Variants in TSHZ2 observed in about 807,000 individuals in gnomAD.
TSHZ2 encodes teashirt homolog 2.
In TSHZ2, 21 loss-of-function variants were observed where a neutral mutation model predicts 74.4. The ratio of observed to expected loss-of-function variants is 0.28; its 90% CI spans 0.20 to 0.41. The LOEUF is 0.41. Among genes scored for constraint, TSHZ2 ranks in the 10% least tolerant of loss-of-function variants. The probability of loss-of-function intolerance (pLI) is 1.00; values close to 1 mark genes in which losing one functional copy is unlikely to be tolerated. For synonymous variants in TSHZ2, 540 were observed against 515.3 expected, an observed-to-expected ratio of 1.05 and a Z score of -0.65; for missense variants, 1,244 against 1,293.5, an observed-to-expected ratio of 0.96 and a Z score of 0.59.
chr20:53,256,636 C>G lies in TSHZ2; in HGVS notation c.*8+65C>G. On this transcript the variant is annotated intron_variant, in intron 2 of 2. Transcript: ENST00000371497. The surrounding 1 kb of genome is among the most constrained non-coding windows in gnomAD (Gnocchi z 4.3). ...GGAGCTTTCTTACAGGGAGATGGGT[C>G]TGCTTAGAGGCAGCTAGCATCTCCC... The G allele has an allele frequency of 1.3e-6, 2 of 1,508,120 alleles. No homozygotes were observed. The highest frequency in any genetic ancestry group is 2.8e-5 in the South Asian group (2 of 71,372). 93.4% of individuals were successfully genotyped at this position (1,508,120 alleles called of 1,614,324 possible). A position where few individuals can be genotyped will look rare whatever the true frequency, so the allele number is the denominator to read the frequency against.
At chr20:53,464,349 G>A (rs917172599) in intron 2 of TSHZ2, among the ~76,000 whole-genome samples, 1 of 152,216 alleles carries the variant, frequency 6.6e-6, no homozygotes, top group Non-Finnish European at 1.5e-5. Context: ...TTCTGACAAC[G>A]AGCTCTTTAA....
intron 1 of TSHZ2, among the ~76,000 whole-genome samples, chr20:53,065,971 T>G (rs1984970727): frequency 2.0e-5 from 3 of 152,174 alleles, no homozygotes; most frequent in Admixed American, 2.0e-4. Context: ...AGTTATCACC[T>G]GTATCCACGC....
At chr20:53,473,859 G>T (rs1389906209) in intron 2 of TSHZ2, among the ~76,000 whole-genome samples, 9 of 152,246 alleles carry the variant, frequency 5.9e-5, no homozygotes, top group African/African-American at 1.7e-4. Flanking sequence ...ACGTGAAGAA[G>T]GCAGAAACCT....
intron 2 of TSHZ2, among the ~76,000 whole-genome samples, chr20:53,291,352 A>G (rs1991273989): frequency 6.6e-6 from 1 of 151,830 alleles, no homozygotes; most frequent in African/African-American, 2.4e-5. Flanking sequence ...ACACACCTGT[A>G]TTCGCAGCTA....
intron 1 of TSHZ2, among the ~76,000 whole-genome samples, chr20:53,236,310 G>A (rs1445261968): frequency 6.6e-6 from 1 of 152,152 alleles, no homozygotes; most frequent in Non-Finnish European, 1.5e-5. Flanking sequence ...AACCCAACCA[G>A]TAGGTTTATT....
intron 2 of TSHZ2, among the ~76,000 whole-genome samples, chr20:53,258,230 C>T (rs1355597): frequency 0.29 from 44,821 of 151,990 alleles, 6,925 homozygotes; most frequent in East Asian, 0.44. Context: ...GTTCAGCTCA[C>T]GGAATTGAAA....
intron 2 of TSHZ2, among the ~76,000 whole-genome samples, chr20:53,460,202 C>A: frequency 1.3e-5 from 2 of 151,804 alleles, no homozygotes; most frequent in Admixed American, 1.3e-4. Context: ...ACCAATCAGA[C>A]GTAGATTTGG....
At chr20:53,065,726 T>A (rs1984963188) in intron 1 of TSHZ2, among the ~76,000 whole-genome samples, 1 of 152,034 alleles carries the variant, frequency 6.6e-6, no homozygotes. Flanking sequence ...CCATGAAGAG[T>A]GGCTTTGTGC....
At chr20:53,279,917 A>G (rs1991022377) in intron 2 of TSHZ2, among the ~76,000 whole-genome samples, 1 of 152,230 alleles carries the variant, frequency 6.6e-6, no homozygotes, top group South Asian at 2.1e-4. Flanking sequence ...CAGCAAGTGC[A>G]AAGGCCCTGA....
At chr20:53,273,653 A>G (rs976481622) in intron 2 of TSHZ2, among the ~76,000 whole-genome samples, 4 of 152,160 alleles carry the variant, frequency 2.6e-5, no homozygotes, top group African/African-American at 9.7e-5. Context: ...GTCAGGAGTG[A>G]AAGCAGGAGG....
At chr20:53,454,075 G>A (rs550105098) in intron 2 of TSHZ2, among the ~76,000 whole-genome samples, 1 of 152,222 alleles carries the variant, frequency 6.6e-6, no homozygotes, top group East Asian at 1.9e-4. Flanking sequence ...TCTTGTCTTT[G>A]CCATAAACTT....
intron 1 of TSHZ2, among the ~76,000 whole-genome samples, chr20:53,082,755 T>A (rs1425570841): frequency 3.3e-5 from 5 of 152,194 alleles, no homozygotes; most frequent in African/African-American, 7.2e-5. Context: ...TGGTTTTATG[T>A]GGGGGTGAAA....
intron 2 of TSHZ2, among the ~76,000 whole-genome samples, chr20:53,407,964 C>T (rs1982909566): frequency 6.6e-6 from 1 of 152,166 alleles, no homozygotes; most frequent in African/African-American, 2.4e-5. Context: ...TCTTAGCTTG[C>T]AGACTTTACA....
chr20:53,034,351 T>C (rs1447066670), intron 1 of TSHZ2, among the ~76,000 whole-genome samples: 1 of 152,212 alleles, frequency 6.6e-6, no homozygotes, highest in Admixed American at 6.5e-5. Context: ...GCTTTTATTA[T>C]AGTGCTGCAA....
At chr20:53,131,082 G>A (rs1450489949) in intron 1 of TSHZ2, among the ~76,000 whole-genome samples, 1 of 152,130 alleles carries the variant, frequency 6.6e-6, no homozygotes, top group African/African-American at 2.4e-5. Flanking sequence ...AGAAAAATAA[G>A]AACATGAGGA....
intron 1 of TSHZ2, among the ~76,000 whole-genome samples, chr20:53,028,631 G>A (rs1447957712): frequency 6.6e-6 from 1 of 152,174 alleles, no homozygotes; most frequent in Admixed American, 6.5e-5. Flanking sequence ...TTAAGATCTT[G>A]GACCTACTGA....
At chr20:53,148,922 A>G (rs904695296) in intron 1 of TSHZ2, among the ~76,000 whole-genome samples, 1 of 152,210 alleles carries the variant, frequency 6.6e-6, no homozygotes. Context: ...ACAGAGCAGG[A>G]ATCAACCTTT....
At chr20:53,198,852 T>C (rs1221845435) in intron 1 of TSHZ2, among the ~76,000 whole-genome samples, 1 of 152,186 alleles carries the variant, frequency 6.6e-6, no homozygotes, top group Non-Finnish European at 1.5e-5. Context: ...GTGGCTAGTT[T>C]TGAAATATAT....
intron 2 of TSHZ2, among the ~76,000 whole-genome samples, chr20:53,294,169 G>A (rs1203845348): frequency 5.4e-5 from 3 of 55,330 alleles, no homozygotes; most frequent in Admixed American, 1.7e-4. Flanking sequence ...TTGGCAGGTC[G>A]CTTAATCGCT....
Sources: gnomAD v4.1 joint callset for allele counts (sites outside exome capture counted in the v4.1 genomes callset) on GRCh38, gnomAD v4.1.1 for gene constraint, Gnocchi (gnomAD v3.1) non-coding constraint, MANE v1.5 for transcripts, NCBI Gene and HGNC (gene_info 2026-07-23, HGNC 2026-07-21) for gene names.